Variants in GSG1 observed in about 807,000 individuals in gnomAD.
GSG1 encodes the protein germ cell-specific gene 1 protein.
In GSG1, 28 loss-of-function variants were observed where a neutral mutation model predicts 30.8. That is an observed-to-expected ratio of 0.91 (90% confidence interval 0.67 to 1.25). The LOEUF (loss-of-function observed/expected upper bound fraction) is 1.25. Ranked by LOEUF, GSG1 falls within the 50% of genes most tolerant of loss-of-function variation. GSG1 has a pLI of 0.00. For missense variants in GSG1, 435 were observed against 444.7 expected, an observed-to-expected ratio of 0.98 and a Z score of 0.20; for synonymous variants, 162 against 178.0, an observed-to-expected ratio of 0.91 and a Z score of 0.71.
At chr12:13,098,474 T>G (rs1322853878) in intron 1 of GSG1, among the ~76,000 whole-genome samples, 2 of 122,420 alleles carry the variant, frequency 1.6e-5, no homozygotes, top group Admixed American at 8.2e-5. Flanking sequence ...TTTTTTTTTT[T>G]TTTTTTTTTT....
rs553292017 is a variant in GSG1, at chr12:13,103,591, T to C, written c.-79A>G. 5.4e-6 allele frequency: 8 copies of C among 1,494,618 alleles called. No homozygotes were observed. In the African/African-American group the frequency reaches 8.3e-5, roughly 15 times the overall value. 92.6% of individuals were successfully genotyped at this position (1,494,618 alleles called of 1,614,324 possible). ...CAATCAGTTGGGTAGAATGAGTGTTTAGCGTGAGGATGAATCAGGTCCCCT... is the reference window on the plus strand; with the variant it reads ...CAATCAGTTGGGTAGAATGAGTGTTCAGCGTGAGGATGAATCAGGTCCCCT... On this transcript the variant is annotated 5_prime_UTR_variant, in exon 1 of 7. Coordinates refer to ENST00000651961, the MANE Select transcript of GSG1 (RefSeq NM_001080555.4).
At chr12:13,091,934 A>G (rs1866185801) in intron 1 of GSG1, among the ~76,000 whole-genome samples, 1 of 152,222 alleles carries the variant, frequency 6.6e-6, no homozygotes. Flanking sequence ...CGGAGGGCAA[A>G]GGGAAAGTTT....
chr12:13,100,518 C>A (rs531504041), intron 1 of GSG1, among the ~76,000 whole-genome samples: 1 of 152,148 alleles, frequency 6.6e-6, no homozygotes, highest in South Asian at 2.1e-4. Context: ...ACAGATTGCT[C>A]AAAAACCAGT....
In GSG1 at chr12:13,098,591, T is replaced by G. The variant is rs1214363017; in HGVS notation, c.48+4874A>C. 4.6e-5 allele frequency among the ~76,000 whole-genome samples: 7 copies of G among 150,740 alleles called. No individual in the cohort carries two copies. The Admixed American group carries it at 4.7e-4, about 10-fold the overall frequency. On this transcript the variant is annotated intron_variant, in intron 1 of 6. Transcript: ENST00000651961. The stretch of plus-strand genomic sequence containing the variant: ...TCAGAAAATACAGTTAGCCAATGTT[T>G]CCTGATGAGTTTTGTGCACATTTTT...
chr12:13,095,822 G>A (rs780361307), intron 1 of GSG1: 8 of 1,464,912 alleles, frequency 5.5e-6, no homozygotes, highest in Non-Finnish European at 7.2e-6. Context: ...GGCAATCAGG[G>A]CCCAGCTGTT....
rs1231903194 is a variant in GSG1, at chr12:13,101,157, C to G, written c.48+2308G>C. Among the ~76,000 whole-genome samples, 4 of 140,618 alleles carry G rather than the reference C, an allele frequency of 2.8e-5. No homozygotes were observed. The highest frequency in any genetic ancestry group is 4.7e-5 in the Non-Finnish European group (3 of 64,428). The allele number at this position is 140,618 out of a possible 152,430, so 92.3% of individuals were successfully genotyped here. A position where few individuals can be genotyped will look rare whatever the true frequency, so the allele number is the denominator to read the frequency against. On this transcript the variant is annotated intron_variant, in intron 1 of 6. Transcript: ENST00000651961. The surrounding 1 kb of genome is among the most constrained non-coding windows in gnomAD (Gnocchi z 5.8). The stretch of plus-strand genomic sequence containing the variant: ...ACGGCGCCAGCAGGCCGGCTGGGGC[C>G]GGGGGCGCTTGGGGACCGCGGGGCG...
In GSG1 at chr12:13,087,280, A is replaced by C; in HGVS notation, c.635-17T>G. ...CCAGGAGACCTACCAAGGAAACAGG[A>C]AGGCAGAGCCCTTAGAGAAAGGCTT... On this transcript the variant is annotated splice_polypyrimidine_tract_variant and intron_variant, in intron 5 of 6. Coordinates refer to ENST00000651961, the MANE Select transcript of GSG1 (RefSeq NM_001080555.4). 6.3e-7 allele frequency: 1 copy of C among 1,583,748 alleles called. No individual in the cohort carries two copies.
At chr12:13,103,382 A>T in intron 1 of GSG1, 83 bp downstream of exon 1, 1 of 975,424 alleles carries the variant, frequency 1.0e-6, no homozygotes, top group African/African-American at 1.6e-5. Flanking sequence ...GAAATTGATG[A>T]GTTAGTGTAA....
intron 1 of GSG1, among the ~76,000 whole-genome samples, chr12:13,102,132 T>A (rs1389728806): frequency 6.6e-6 from 1 of 152,108 alleles, no homozygotes; most frequent in Non-Finnish European, 1.5e-5. Context: ...CAAGTGAGGG[T>A]TCCGATTCGG....
At chr12:13,098,384 A>T (rs2120932672) in intron 1 of GSG1, among the ~76,000 whole-genome samples, 1 of 147,274 alleles carries the variant, frequency 6.8e-6, no homozygotes, top group East Asian at 2.0e-4. Context: ...TATGGAATTC[A>T]GGGCTCAGGC....
chr12:13,093,907 C>T lies in GSG1; in HGVS notation c.49-3089G>A, dbSNP rs981338793. 1.3e-5 allele frequency among the ~76,000 whole-genome samples: 2 copies of T among 152,186 alleles called. No homozygotes were observed. Among genetic ancestry groups the T allele is most frequent in the African/African-American group, 2.4e-5 (1 of 41,450 alleles). ...ACTTTGCTGAGTGGTGGCTTGGAGCCAGATTTAATTGGACTTAGAGAAGTA... is the reference window on the plus strand; with the variant it reads ...ACTTTGCTGAGTGGTGGCTTGGAGCTAGATTTAATTGGACTTAGAGAAGTA... On this transcript the variant is annotated intron_variant, in intron 1 of 6. Transcript: ENST00000651961. The surrounding 1 kb of genome is among the most constrained non-coding windows in gnomAD (Gnocchi z 4.6).
At chr12:13,090,408 G>A (rs1429704525) in intron 2 of GSG1, 95 bp downstream of exon 2, 11 of 1,200,422 alleles carry the variant, frequency 9.2e-6, no homozygotes, top group African/African-American at 4.5e-5. Context: ...CCAGGGCAAC[G>A]CCAGCCCTAA....
rs371613978 is a variant in GSG1 at position 13,089,178 on chromosome 12, A to G, written c.433+30T>C. The G allele has an allele frequency of 6.4e-5, 99 of 1,548,480 alleles. 2 individuals carry two copies. The South Asian group carries it at 7.2e-4, about 11-fold the overall frequency. On this transcript the variant is annotated intron_variant, in intron 3 of 6. Transcript: ENST00000651961. ...AGTGTTCCCATTTCCCGTGTCCAGA[A>G]GAGTTAATGATCTTAGTGTTAACTA... is the stretch of plus-strand genomic sequence containing the variant.
intron 1 of GSG1, among the ~76,000 whole-genome samples, chr12:13,092,291 C>T (rs1411031582): frequency 1.3e-5 from 2 of 152,184 alleles, no homozygotes; most frequent in Admixed American, 6.5e-5. Context: ...ACCCCACCAA[C>T]AAACAGCAGG....
intron 1 of GSG1, among the ~76,000 whole-genome samples, chr12:13,102,548 C>T (rs1156532542): frequency 1.3e-5 from 2 of 152,242 alleles, no homozygotes; most frequent in African/African-American, 4.8e-5. Flanking sequence ...ACTCCGATGG[C>T]TCTTCAGAAC....
At chr12:13,085,800 G>A (rs971469773) in intron 6 of GSG1, among the ~76,000 whole-genome samples, 1 of 152,132 alleles carries the variant, frequency 6.6e-6, no homozygotes, top group Non-Finnish European at 1.5e-5. Context: ...AGTCATTCAG[G>A]AAAACATTTA....
intron 5 of GSG1, 134 bp from the exon 6 acceptor site, chr12:13,087,397 C>T: frequency 1.6e-6 from 1 of 627,982 alleles, no homozygotes; most frequent in Admixed American, 2.7e-5. Flanking sequence ...TATGCCACCA[C>T]ATTTCCCGAA....
At chr12:13,085,719 A>T (rs1033286619) in intron 6 of GSG1, among the ~76,000 whole-genome samples, 5 of 152,030 alleles carry the variant, frequency 3.3e-5, no homozygotes, top group Admixed American at 2.0e-4. Flanking sequence ...TGCTGGGAGG[A>T]ATCATCCCTC....
chr12:13,096,134 C>T (rs1426911058), intron 1 of GSG1, among the ~76,000 whole-genome samples: 2 of 152,174 alleles, frequency 1.3e-5, no homozygotes, highest in Non-Finnish European at 1.5e-5. Flanking sequence ...CAGGAAATAG[C>T]TTCCTTGTTC....
Sources: allele counts gnomAD v4.1 joint callset (sites outside exome capture counted in the v4.1 genomes callset), GRCh38; gene constraint gnomAD v4.1.1; non-coding constraint Gnocchi (gnomAD v3.1); transcripts MANE v1.5; gene names NCBI Gene and HGNC (gene_info 2026-07-23, HGNC 2026-07-21).